PIP4K2A: variants seen among roughly 807,000 people sequenced by gnomAD.
PIP4K2A encodes phosphatidylinositol 5-phosphate 4-kinase type-2 alpha.
In PIP4K2A, 14 loss-of-function variants were observed where a neutral mutation model predicts 42.9. The ratio of observed to expected loss-of-function variants is 0.33; its 90% CI spans 0.22 to 0.51. The LOEUF is 0.51. Among genes scored for constraint, PIP4K2A ranks in the 20% least tolerant of loss-of-function variants. PIP4K2A has a pLI of 0.97. For synonymous variants in PIP4K2A, 192 were observed against 192.2 expected (o/e 1.00, Z 0.01); for missense variants, 434 against 519.8 (o/e 0.83, Z 1.61).
intron 1 of PIP4K2A, among the ~76,000 whole-genome samples, chr10:22,635,688 A>C (rs1055329185): frequency 5.3e-5 from 8 of 152,180 alleles, no homozygotes; most frequent in African/African-American, 1.9e-4. Flanking sequence ...GGAAGCATGG[A>C]AAGTTATGAG....
intron 1 of PIP4K2A, among the ~76,000 whole-genome samples, chr10:22,639,106 T>C (rs1838725608): frequency 1.3e-5 from 2 of 152,006 alleles, no homozygotes; most frequent in African/African-American, 4.8e-5. Flanking sequence ...GGTTAGGAAA[T>C]GGGACAGAAA....
chr10:22,574,810 T>G (rs1416494025), intron 4 of PIP4K2A, among the ~76,000 whole-genome samples: 1 of 152,210 alleles, frequency 6.6e-6, no homozygotes, highest in African/African-American at 2.4e-5. Flanking sequence ...AAATTGAGTT[T>G]TGCTAATGCA....
At chr10:22,615,151 G>A (rs1037824973) in intron 1 of PIP4K2A, among the ~76,000 whole-genome samples, 3 of 152,048 alleles carry the variant, frequency 2.0e-5, no homozygotes, top group Non-Finnish European at 2.9e-5. Context: ...GGGTTGCTCA[G>A]GCTGGAGTGC....
chr10:22,610,548 A>T (rs1467297297), intron 1 of PIP4K2A, among the ~76,000 whole-genome samples: 1 of 152,236 alleles, frequency 6.6e-6, no homozygotes, highest in South Asian at 2.1e-4. Context: ...CAAAACAAGC[A>T]AACAACAAAA....
chr10:22,676,294 C>T (rs1483715685), intron 1 of PIP4K2A, among the ~76,000 whole-genome samples: 1 of 152,140 alleles, frequency 6.6e-6, no homozygotes, highest in Non-Finnish European at 1.5e-5. Flanking sequence ...GATGTATTCC[C>T]TTCGTATGGA....
intron 9 of PIP4K2A, among the ~76,000 whole-genome samples, chr10:22,538,695 C>T (rs1243734226): frequency 2.0e-5 from 3 of 152,022 alleles, no homozygotes; most frequent in African/African-American, 4.8e-5. Context: ...TCAGAAATGA[C>T]GGAATGGGGG....
chr10:22,562,127 T>C (rs578123209), intron 6 of PIP4K2A, among the ~76,000 whole-genome samples: 1 of 152,256 alleles, frequency 6.6e-6, no homozygotes, highest in South Asian at 2.1e-4. Flanking sequence ...GTGAACACAA[T>C]GAATGGTAGG....
intron 5 of PIP4K2A, among the ~76,000 whole-genome samples, chr10:22,572,612 AAAG>A (rs1340509325): frequency 6.9e-6 from 1 of 144,248 alleles, no homozygotes; most frequent in East Asian, 1.9e-4. Flanking sequence ...CTCAAAAAAA[AAAG>A]AAAAGAAAAG....
chr10:22,659,968 T>G (rs1193130393), intron 1 of PIP4K2A, among the ~76,000 whole-genome samples: 1 of 152,204 alleles, frequency 6.6e-6, no homozygotes, highest in Non-Finnish European at 1.5e-5. Flanking sequence ...TTATCACTTG[T>G]CTTGCGAAGC....
At position 22,619,443 on chromosome 10, in the gene PIP4K2A, T is replaced by TTTC. The variant is rs1193628703; in HGVS notation, c.145-9727_145-9726insGAA. 3.3e-4 allele frequency among the ~76,000 whole-genome samples: 50 copies of TTTC among 150,650 alleles called. 1 individual carries two copies. The highest frequency in any genetic ancestry group is 1.2e-3 in the African/African-American group (48 of 40,966). ...TTCATTTTCTTTTTCTTTTTTCTTT[T>TTTC]TTTTTTTTTTTGAGACAAAGCCTCG... On this transcript the variant is annotated intron_variant, in intron 1 of 9. Transcript: ENST00000376573.
intron 6 of PIP4K2A, among the ~76,000 whole-genome samples, chr10:22,564,462 CAG>C (rs1836789160): frequency 6.6e-6 from 1 of 152,194 alleles, no homozygotes; most frequent in South Asian, 2.1e-4. Flanking sequence ...TCATGTGACT[CAG>C]GGGCTGGCCT....
chr10:22,539,891 G>C, intron 9 of PIP4K2A, 80 bp downstream of exon 9: 1 of 639,834 alleles, frequency 1.6e-6, no homozygotes, highest in East Asian at 2.8e-5. Context: ...AGCCAGGAGA[G>C]AGAGAGAGAG....
At chr10:22,573,496 T>C (rs1223326818) in intron 4 of PIP4K2A, 39 bp from the exon 5 acceptor site, 10 of 1,569,932 alleles carry the variant, frequency 6.4e-6, no homozygotes, top group Non-Finnish European at 8.7e-6. Context: ...AAACATCCAA[T>C]CAAAAGATTG....
At chr10:22,662,685 AACTC>A (rs1839224625) in intron 1 of PIP4K2A, among the ~76,000 whole-genome samples, 1 of 152,098 alleles carries the variant, frequency 6.6e-6, no homozygotes, top group East Asian at 1.9e-4. Context: ...TGGTTGAAAA[AACTC>A]ACAGGCACTC....
intron 3 of PIP4K2A, 162 bp downstream of exon 3, chr10:22,607,765 G>T (rs758452577): frequency 5.7e-6 from 3 of 528,164 alleles, no homozygotes; most frequent in Non-Finnish European, 1.0e-5. Context: ...CCAATCAAGA[G>T]AACACTTTAC....
At chr10:22,665,356 T>C (rs1839325821) in intron 1 of PIP4K2A, among the ~76,000 whole-genome samples, 1 of 152,208 alleles carries the variant, frequency 6.6e-6, no homozygotes, top group Non-Finnish European at 1.5e-5. Context: ...ACACAACTGG[T>C]CTAGCTCACT....
chr10:22,624,973 G>T (rs1838406272), intron 1 of PIP4K2A, among the ~76,000 whole-genome samples: 2 of 152,128 alleles, frequency 1.3e-5, no homozygotes, highest in South Asian at 2.1e-4. Flanking sequence ...AATGGTTTTT[G>T]AATCTATTTG....
chr10:22,645,886 T>A (rs1564453998), intron 1 of PIP4K2A, among the ~76,000 whole-genome samples: 1 of 152,050 alleles, frequency 6.6e-6, no homozygotes, highest in Non-Finnish European at 1.5e-5. Flanking sequence ...TTATTTGTAT[T>A]AATTTTTTTA....
chr10:22,559,917 C>T (rs1162523167), intron 6 of PIP4K2A, among the ~76,000 whole-genome samples: 2 of 152,156 alleles, frequency 1.3e-5, no homozygotes, highest in Non-Finnish European at 2.9e-5. Flanking sequence ...CAGCCCTGTG[C>T]CCCCAGGGCT....
Sources: allele counts gnomAD v4.1 joint callset (sites outside exome capture counted in the v4.1 genomes callset), GRCh38; gene constraint gnomAD v4.1.1; transcripts MANE v1.5; gene names NCBI Gene and HGNC (gene_info 2026-07-23, HGNC 2026-07-21).